PHF10: variants seen among roughly 807,000 people sequenced by gnomAD.
PHF10 encodes the protein BRG1-associated factor 45a.
A neutral mutation model predicts 68.5 loss-of-function variants in PHF10; 51 were observed. The ratio of observed to expected loss-of-function variants is 0.74; its 90% confidence interval spans 0.59 to 0.94. The LOEUF (loss-of-function observed/expected upper bound fraction) is 0.94. Ranked by LOEUF, PHF10 falls within the 40% of genes least tolerant of loss-of-function variation. The pLI is 0.00. For missense variants in PHF10, 460 were observed against 602.6 expected (o/e 0.76, Z 2.48); for synonymous variants, 204 against 203.5 (o/e 1.00, Z -0.02).
At chr6:169,711,173 C>A (rs1788919581) in intron 8 of PHF10, among the ~76,000 whole-genome samples, 1 of 151,814 alleles carries the variant, frequency 6.6e-6, no homozygotes, top group Non-Finnish European at 1.5e-5. Flanking sequence ...CACACATTAC[C>A]CCCTACCTCA....
Position 169,714,658 on chromosome 6 carries a change from T to G in PHF10, c.803+75A>C, listed in dbSNP as rs542814772. 1.4e-5 allele frequency: 11 copies of G among 771,740 alleles called. No homozygotes were observed. In the African/African-American group the frequency reaches 1.9e-4, roughly 13 times the overall value. The allele number at this position is 771,740 out of a possible 1,614,324, so 47.8% of individuals were successfully genotyped here. On this transcript the variant is annotated intron_variant, in intron 7 of 11. Coordinates refer to ENST00000339209, the MANE Select transcript of PHF10 (RefSeq NM_018288.4). ...TGATATCTATAGACCCCAAAATTGT[T>G]AGGAGGCAAGTACAAAAGGCTCTGA...
chr6:169,706,398 A>C (rs531356056), intron 9 of PHF10, among the ~76,000 whole-genome samples: 4 of 152,220 alleles, frequency 2.6e-5, no homozygotes, highest in Non-Finnish European at 5.9e-5. Context: ...GGGAAAAATA[A>C]GTTTTCAGAC....
In PHF10 at chr6:169,718,855, T is replaced by C; in HGVS notation, c.258A>G (p.Glu86=). 1 of 1,597,670 alleles carries C rather than the reference T, an allele frequency of 6.3e-7. No individual in the cohort carries two copies. The highest frequency in any genetic ancestry group is 8.6e-7 in the Non-Finnish European group (1 of 1,166,366). The change falls in exon 3 of 12, where the codon GAA becomes GAG. Residue 86 remains glutamate (E), a synonymous_variant. Coordinates refer to ENST00000339209, the MANE Select transcript of PHF10 (RefSeq NM_018288.4). The stretch of plus-strand genomic sequence containing the variant: ...TGACTTGTTCTTGAAGCATATAGTA[T>C]TCTCCTGTTTCATCAGGTGGCCATT... The part of the protein sequence containing the change: ...EYKWPPDETG[E]YYMLQEQVSE...
chr6:169,717,978 A>C (rs1044519838), intron 3 of PHF10, 72 bp from the exon 4 acceptor site: 33 of 640,316 alleles, frequency 5.2e-5, no homozygotes, highest in Admixed American at 1.2e-4. Flanking sequence ...TTAAAAGCTT[A>C]AAAACCTTGA....
chr6:169,723,570 G>T (rs1227428332), intron 1 of PHF10, among the ~76,000 whole-genome samples: 1 of 152,198 alleles, frequency 6.6e-6, no homozygotes, highest in Non-Finnish European at 1.5e-5. Context: ...TGGCCTAGGA[G>T]GAGGCGTTTT....
At chr6:169,705,874 T>A in intron 9 of PHF10, 150 bp from the exon 10 acceptor site, 1 of 628,534 alleles carries the variant, frequency 1.6e-6, no homozygotes, top group Non-Finnish European at 2.9e-6. Context: ...GGAGTCTGCC[T>A]ACAATGTAAG....
At chr6:169,710,521 CTAAATG>C in intron 8 of PHF10, 130 bp from the exon 9 acceptor site, 3 of 715,636 alleles carry the variant, frequency 4.2e-6, no homozygotes, top group Non-Finnish European at 7.0e-6. Context: ...AAAGATCATT[CTAAATG>C]TAAGAAAGCT....
Position 169,715,630 on chromosome 6 carries a change from G to C in PHF10, c.693+78C>G, listed in dbSNP as rs140454576. Reference sequence around the variant, plus strand: ...ACACATAGGTGGTACAAAAAATAACGATAAAGGGGGTGATGGGCACTCTGC... The same window carrying C: ...ACACATAGGTGGTACAAAAAATAACCATAAAGGGGGTGATGGGCACTCTGC... On this transcript the variant is annotated intron_variant, in intron 6 of 11. Transcript: ENST00000339209. The C allele has an allele frequency of 5.8e-4, 693 of 1,190,028 alleles. 3 individuals are homozygous for C. In the African/African-American group the frequency reaches 8.5e-3, roughly 15 times the overall value. The allele number at this position is 1,190,028 out of a possible 1,614,324, so 73.7% of individuals were successfully genotyped here. A position where few individuals can be genotyped will look rare whatever the true frequency, so the allele number is the denominator to read the frequency against.
intron 7 of PHF10, among the ~76,000 whole-genome samples, chr6:169,712,858 G>C (rs1359319046): frequency 6.6e-6 from 1 of 152,038 alleles, no homozygotes; most frequent in Admixed American, 6.5e-5. Flanking sequence ...CATCCACCTC[G>C]ACCACTGTCC....
chr6:169,720,279 G>T (rs1305766803), intron 2 of PHF10, among the ~76,000 whole-genome samples: 1 of 152,038 alleles, frequency 6.6e-6, no homozygotes. Context: ...TTAAACATAG[G>T]ATTACCATAT....
chr6:169,714,643 A>G (rs895357174), intron 7 of PHF10, 90 bp downstream of exon 7: 31 of 741,012 alleles, frequency 4.2e-5, no homozygotes, highest in Admixed American at 2.6e-4. Context: ...TGATATCTAT[A>G]GACCCCAAAA....
chr6:169,718,193 T>C (rs752339464), intron 3 of PHF10, among the ~76,000 whole-genome samples: 7 of 152,198 alleles, frequency 4.6e-5, no homozygotes, highest in Non-Finnish European at 8.8e-5. Context: ...ATACGGCTCA[T>C]ATAGCTAACT....
rs1345793008 is a variant in PHF10, at chr6:169,717,690, T to C, written c.409+133A>G. ...ATTTTAACAATAATCAAAAATGAAG[T>C]AAATAATGTAGCATTTAAATAGTTC... On this transcript the variant is annotated intron_variant, in intron 4 of 11. Coordinates refer to ENST00000339209, the MANE Select transcript of PHF10 (RefSeq NM_018288.4). The C allele has an allele frequency of 1.6e-5, 9 of 569,164 alleles. No individual in the cohort carries two copies. The East Asian group carries it at 2.8e-4, about 18-fold the overall frequency. The allele number at this position is 569,164 out of a possible 1,614,324, so 35.3% of individuals were successfully genotyped here. A position where few individuals can be genotyped will look rare whatever the true frequency, so the allele number is the denominator to read the frequency against.
chr6:169,723,707 C>G (rs559515243), intron 1 of PHF10, 138 bp downstream of exon 1: 1 of 252,106 alleles, frequency 4.0e-6, no homozygotes, highest in African/African-American at 2.3e-5. Flanking sequence ...TCGCCGACCA[C>G]CCCCGGTCTC....
intron 2 of PHF10, among the ~76,000 whole-genome samples, chr6:169,720,417 G>C (rs1425984471): frequency 6.6e-6 from 1 of 152,084 alleles, no homozygotes; most frequent in Non-Finnish European, 1.5e-5. Flanking sequence ...ATCAACATCT[G>C]AATGGATAAA....
intron 1 of PHF10, among the ~76,000 whole-genome samples, chr6:169,722,999 GC>G (rs1789216117): frequency 6.6e-6 from 1 of 152,174 alleles, no homozygotes; most frequent in South Asian, 2.1e-4. Context: ...GAGTCTCACA[GC>G]ACGGTGGACG....
At chr6:169,706,474 A>G (rs1469057714) in intron 9 of PHF10, among the ~76,000 whole-genome samples, 3 of 152,190 alleles carry the variant, frequency 2.0e-5, no homozygotes, top group Non-Finnish European at 4.4e-5. Flanking sequence ...GATCTTTCAG[A>G]TTAAAAACAT....
intron 1 of PHF10, among the ~76,000 whole-genome samples, chr6:169,723,433 G>A (rs1296374210): frequency 6.6e-6 from 1 of 152,186 alleles, no homozygotes; most frequent in Non-Finnish European, 1.5e-5. Context: ...TTCGCCACTC[G>A]GTTTTTGCAG....
chr6:169,724,411 G>GCGGCCGCCTCAGCCCCC lies in PHF10; in HGVS notation c.-481_-480insGGGGGCTGAGGCGGCCG. On this transcript the variant is annotated 5_prime_UTR_variant, in exon 1 of 12. Transcript: ENST00000339209. ...CAGCCCCGCCGCTCGCCTCAGCCCC[G>GCGGCCGCCTCAGCCCCC]CCGCTCGCCTCAGCCCCGCCGCTCC... Among the ~76,000 whole-genome samples the GCGGCCGCCTCAGCCCCC allele has an allele frequency of 3.0e-5, 2 of 67,518 alleles. No homozygotes were observed. The highest frequency in any genetic ancestry group is 3.5e-4 in the Admixed American group (2 of 5,642). 44.3% of individuals were successfully genotyped at this position (67,518 alleles called of 152,430 possible).
Sources: allele counts gnomAD v4.1 joint callset (sites outside exome capture counted in the v4.1 genomes callset), GRCh38; gene constraint gnomAD v4.1.1; transcripts MANE v1.5; gene names NCBI Gene and HGNC (gene_info 2026-07-23, HGNC 2026-07-21).